EPB41L1: variants seen among roughly 807,000 people sequenced by gnomAD.
EPB41L1 encodes the protein band 4.1-like protein 1.
Under a neutral mutation model 97.8 loss-of-function variants are expected in EPB41L1, and 29 were observed. The observed-to-expected ratio is 0.30, with a 90% confidence interval of 0.22 to 0.40. The LOEUF (loss-of-function observed/expected upper bound fraction) is 0.40, where lower values mean the gene tolerates loss of function less well. EPB41L1 is among the 10% of genes least tolerant of loss of function. EPB41L1 has a pLI of 1.00. For synonymous variants in EPB41L1, 383 were observed against 459.2 expected (o/e 0.83, Z 2.12); for missense variants, 812 against 1,162.3 (o/e 0.70, Z 4.38).
At chr20:36,182,611 G>A (rs2061517488) in intron 6 of EPB41L1, among the ~76,000 whole-genome samples, 1 of 152,200 alleles carries the variant, frequency 6.6e-6, no homozygotes, top group Non-Finnish European at 1.5e-5. Flanking sequence ...GATTTAAGAG[G>A]ACAGAAGCCA....
At chr20:36,119,834 G>C (rs375646727) in intron 2 of EPB41L1, among the ~76,000 whole-genome samples, 1 of 152,092 alleles carries the variant, frequency 6.6e-6, no homozygotes. Flanking sequence ...AACAATGCTA[G>C]ATTGCCCACT....
At position 36,125,575 on chromosome 20, in the gene EPB41L1, T is replaced by C. The variant is rs1010231375; in HGVS notation, c.-10+13095T>C. The C allele has an allele frequency of 3.9e-6, 6 of 1,533,690 alleles. No individual in the cohort carries two copies. In the African/African-American group the frequency reaches 4.1e-5, roughly 11 times the overall value. On this transcript the variant is annotated intron_variant, in intron 2 of 19. Coordinates refer to the EPB41L1 transcript ENST00000202028. ...ACAGTGGGGGATTCAGAAAGGTAGA[T>C]TGAACCACAAGTGCACAGAGGCATG...
At chr20:36,181,366 G>A (rs2061465910) in intron 5 of EPB41L1, among the ~76,000 whole-genome samples, 1 of 152,172 alleles carries the variant, frequency 6.6e-6, no homozygotes, top group Non-Finnish European at 1.5e-5. Flanking sequence ...GGCTTGCAGA[G>A]CTTGCTTCCA....
intron 2 of EPB41L1, among the ~76,000 whole-genome samples, chr20:36,123,176 G>C (rs150473837): frequency 2.2e-4 from 34 of 152,116 alleles, no homozygotes; most frequent in African/African-American, 5.8e-4. Flanking sequence ...CCATGATCGG[G>C]GGGGAGGGGC....
At chr20:36,224,221 C>T (rs1014088708) in intron 21 of EPB41L1, among the ~76,000 whole-genome samples, 26 of 151,998 alleles carry the variant, frequency 1.7e-4, no homozygotes, top group Non-Finnish European at 5.9e-5. Flanking sequence ...AAGAAATGTG[C>T]TTTAAGGGTG....
At chr20:36,194,655 A>G (rs1375745512) in intron 12 of EPB41L1, among the ~76,000 whole-genome samples, 1 of 151,984 alleles carries the variant, frequency 6.6e-6, no homozygotes, top group Non-Finnish European at 1.5e-5. Context: ...CACACTCTTA[A>G]TTTGCCCCTC....
chr20:36,177,905 C>G, intron 3 of EPB41L1, 47 bp from the exon 4 acceptor site: 3 of 1,494,818 alleles, frequency 2.0e-6, no homozygotes, highest in Non-Finnish European at 2.8e-6. Context: ...CCCAGCCTCG[C>G]CCCGGGGTGT....
intron 21 of EPB41L1, among the ~76,000 whole-genome samples, chr20:36,225,373 A>G (rs754844102): frequency 1.1e-4 from 16 of 152,242 alleles, no homozygotes; most frequent in Non-Finnish European, 1.8e-4. Context: ...CCTGTTTAAA[A>G]TACAGGCACT....
chr20:36,192,360 G>A (rs867302434), intron 11 of EPB41L1, among the ~76,000 whole-genome samples: 3 of 151,592 alleles, frequency 2.0e-5, no homozygotes, highest in Non-Finnish European at 4.4e-5. Flanking sequence ...GTGAAACCTC[G>A]TCTCTACTAA....
chr20:36,217,904 A>G (rs1569358881), intron 17 of EPB41L1, among the ~76,000 whole-genome samples: 2 of 152,196 alleles, frequency 1.3e-5, no homozygotes, highest in African/African-American at 4.8e-5. Context: ...AGGTCAGGCC[A>G]CTGAGGACCT....
intron 2 of EPB41L1, chr20:36,125,470 G>A: frequency 1.7e-6 from 2 of 1,158,150 alleles, no homozygotes; most frequent in South Asian, 1.3e-5. Context: ...GGATCAATGA[G>A]GTAGAACCTG....
intron 2 of EPB41L1, among the ~76,000 whole-genome samples, chr20:36,130,791 C>T (rs1050223163): frequency 3.5e-4 from 52 of 147,890 alleles, no homozygotes; most frequent in African/African-American, 1.3e-3. Flanking sequence ...AAAAATTTCT[C>T]TCTCTCTCTC....
chr20:36,211,833 G>A (rs1185530853), intron 15 of EPB41L1, among the ~76,000 whole-genome samples: 2 of 152,128 alleles, frequency 1.3e-5, no homozygotes, highest in Admixed American at 1.3e-4. Context: ...CAGCCTGGGC[G>A]ACAAAGGGAG....
In EPB41L1 at chr20:36,230,786, T is replaced by G. The variant is rs2064459105; in HGVS notation, c.*1446T>G. The G allele has an allele frequency of 6.6e-6, 1 of 151,854 alleles. No individual in the cohort carries two copies. Among genetic ancestry groups the G allele is most frequent in the African/African-American group, 2.4e-5 (1 of 41,272 alleles). 9.4% of individuals were successfully genotyped at this position (151,854 alleles called of 1,614,324 possible). A position where few individuals can be genotyped will look rare whatever the true frequency, so the allele number is the denominator to read the frequency against. Reference sequence around the variant, plus strand: ...TCTCTTTCTCTCTTTTTTTTTTTTTTGCCACATTCTGCCCTTCCCTGACCC... The same window carrying G: ...TCTCTTTCTCTCTTTTTTTTTTTTTGGCCACATTCTGCCCTTCCCTGACCC... On this transcript the variant is annotated 3_prime_UTR_variant, in exon 22 of 22. Coordinates refer to ENST00000338074, the MANE Select transcript of EPB41L1 (RefSeq NM_012156.2).
chr20:36,155,017 C>A, intron 1 of EPB41L1, 121 bp downstream of exon 1: 2 of 956,716 alleles, frequency 2.1e-6, no homozygotes, highest in Non-Finnish European at 2.8e-6. Flanking sequence ...GGCTGTTGGT[C>A]CCCTGGCCAG....
At chr20:36,094,304 A>G (rs902019694) in intron 1 of EPB41L1, among the ~76,000 whole-genome samples, 1 of 152,214 alleles carries the variant, frequency 6.6e-6, no homozygotes, top group African/African-American at 2.4e-5. Context: ...ATGGAATAGA[A>G]GAGAAACATT....
intron 6 of EPB41L1, among the ~76,000 whole-genome samples, chr20:36,183,411 T>C (rs559209546): frequency 1.9e-4 from 29 of 152,356 alleles, no homozygotes; most frequent in African/African-American, 6.7e-4. Flanking sequence ...TTGGCGTCAT[T>C]AGTCCTAGTT....
chr20:36,126,728 T>C (rs2058986157), intron 2 of EPB41L1, among the ~76,000 whole-genome samples: 1 of 152,132 alleles, frequency 6.6e-6, no homozygotes, highest in Non-Finnish European at 1.5e-5. Flanking sequence ...TTTTCAAGAG[T>C]GGTGAAAGGT....
chr20:36,221,552 C>G (rs996671902), intron 19 of EPB41L1, among the ~76,000 whole-genome samples: 20 of 152,162 alleles, frequency 1.3e-4, no homozygotes, highest in Non-Finnish European at 8.8e-5. Context: ...GTGAGAGAGA[C>G]AGATTCAGTG....
Sources: allele counts gnomAD v4.1 joint callset (sites outside exome capture counted in the v4.1 genomes callset), GRCh38; gene constraint gnomAD v4.1.1; transcripts MANE v1.5; gene names NCBI Gene and HGNC (gene_info 2026-07-23, HGNC 2026-07-21).